OSBPL10: variants seen among roughly 807,000 people sequenced by gnomAD.
The protein encoded by OSBPL10 is oxysterol binding protein like 10.
A neutral mutation model predicts 81.7 loss-of-function variants in OSBPL10; 49 were observed. The ratio of observed to expected loss-of-function variants is 0.60; its 90% CI spans 0.48 to 0.76. The LOEUF (loss-of-function observed/expected upper bound fraction) is 0.76, where lower values mean the gene tolerates loss of function less well. Ranked by LOEUF, OSBPL10 falls within the 30% of genes least tolerant of loss-of-function variation. OSBPL10 has a pLI of 0.00. For synonymous variants in OSBPL10, 419 were observed against 383.6 expected, an observed-to-expected ratio of 1.09 and a Z score of -1.08; for missense variants, 923 against 987.8, an observed-to-expected ratio of 0.93 and a Z score of 0.88.
chr3:31,924,783 A>C (rs1211940615), intron 1 of OSBPL10, among the ~76,000 whole-genome samples: 1 of 152,136 alleles, frequency 6.6e-6, no homozygotes, highest in Non-Finnish European at 1.5e-5. Context: ...AGCTATACAC[A>C]ATACATAGAT....
chr3:31,696,169 G>T (rs1695715875), intron 7 of OSBPL10, among the ~76,000 whole-genome samples: 1 of 150,990 alleles, frequency 6.6e-6, no homozygotes, highest in Admixed American at 6.6e-5. Context: ...CCCCCCTGCT[G>T]CAATGGATGC....
chr3:31,839,471 C>G (rs534663762), intron 3 of OSBPL10, among the ~76,000 whole-genome samples: 2 of 152,146 alleles, frequency 1.3e-5, no homozygotes, highest in Non-Finnish European at 2.9e-5. Flanking sequence ...CACCCACCAC[C>G]CCCTAAAAAG....
chr3:31,947,672 C>G (rs1405645048), intron 1 of OSBPL10, among the ~76,000 whole-genome samples: 1 of 152,138 alleles, frequency 6.6e-6, no homozygotes, highest in Non-Finnish European at 1.5e-5. Flanking sequence ...AAGAACCTAA[C>G]AGATCACGGA....
rs1553628768 is a variant in OSBPL10, at chr3:31,812,717, A to AAGAAAGAAAG, written c.729+17322_729+17323insCTTTCTTTCT. ...TGGAATCTCTACACAGTAGGCAAAA[A>AAGAAAGAAAG]AAAAGAAAGAAAGAAAGAAAGAAAG... On this transcript the variant is annotated intron_variant, in intron 4 of 11. Coordinates refer to ENST00000396556, the MANE Select transcript of OSBPL10 (RefSeq NM_017784.5). Among the ~76,000 whole-genome samples the AAGAAAGAAAG allele has an allele frequency of 5.6e-5, 3 of 53,546 alleles. No individual in the cohort carries two copies. In the East Asian group the frequency reaches 5.5e-3, roughly 98 times the overall value. The allele number at this position is 53,546 out of a possible 152,430, so 35.1% of individuals were successfully genotyped here. A position where few individuals can be genotyped will look rare whatever the true frequency, so the allele number is the denominator to read the frequency against.
chr3:31,685,755 T>G (rs780507933), intron 7 of OSBPL10, among the ~76,000 whole-genome samples: 1 of 152,128 alleles, frequency 6.6e-6, no homozygotes, highest in African/African-American at 2.4e-5. Context: ...ACCACAAATA[T>G]CACACAGGCT....
chr3:31,909,553 G>A (rs1306480122), intron 1 of OSBPL10, among the ~76,000 whole-genome samples: 1 of 151,580 alleles, frequency 6.6e-6, no homozygotes, highest in Non-Finnish European at 1.5e-5. Context: ...TCACTAAATT[G>A]CCATCTCTCA....
At chr3:32,053,164 T>G (rs1451603500) in intron 1 of OSBPL10, among the ~76,000 whole-genome samples, 1 of 151,980 alleles carries the variant, frequency 6.6e-6, no homozygotes, top group Non-Finnish European at 1.5e-5. Context: ...TCACCAAAAG[T>G]AAAAGTTGCT....
chr3:31,898,891 CATTAAA>C (rs1369109720), intron 1 of OSBPL10, among the ~76,000 whole-genome samples: 5 of 142,936 alleles, frequency 3.5e-5, no homozygotes, highest in Non-Finnish European at 6.1e-5. Context: ...AGGAGGGTAT[CATTAAA>C]ATTAAAATAT....
chr3:31,984,301 A>G (rs774060717), upstream of OSBPL10, among the ~76,000 whole-genome samples: 5 of 151,524 alleles, frequency 3.3e-5, no homozygotes, highest in Non-Finnish European at 5.9e-5. Context: ...CGGCCTCCCA[A>G]AGTGCTGGGA....
intron 6 of OSBPL10, among the ~76,000 whole-genome samples, chr3:31,726,042 G>A (rs951705400): frequency 2.0e-4 from 31 of 152,238 alleles, no homozygotes; most frequent in Non-Finnish European, 3.2e-4. Context: ...GTACATCGGG[G>A]TATAGCAGAC....
intron 5 of OSBPL10, among the ~76,000 whole-genome samples, chr3:31,747,597 T>C (rs988215949): frequency 6.6e-6 from 1 of 152,026 alleles, no homozygotes; most frequent in African/African-American, 2.4e-5. Context: ...ATAGTATTTA[T>C]GTAAATATGT....
chr3:31,678,817 TG>T (rs1700559215), intron 8 of OSBPL10, among the ~76,000 whole-genome samples: 2 of 148,348 alleles, frequency 1.3e-5, no homozygotes, highest in Non-Finnish European at 3.0e-5. Context: ...TGTGTGTGTG[TG>T]TGTGTGTGTG....
chr3:31,825,338 T>C (rs1001161591), intron 4 of OSBPL10, among the ~76,000 whole-genome samples: 1 of 152,108 alleles, frequency 6.6e-6, no homozygotes, highest in Non-Finnish European at 1.5e-5. Context: ...AATTTTTTTT[T>C]TAAGAAAAAG....
At chr3:31,676,533 ATT>A (rs975303368) in intron 8 of OSBPL10, among the ~76,000 whole-genome samples, 2 of 152,254 alleles carry the variant, frequency 1.3e-5, no homozygotes, top group Non-Finnish European at 2.9e-5. Flanking sequence ...ACTTAAAATA[ATT>A]TTGTGTCCAA....
At position 31,981,048 on chromosome 3, in the gene OSBPL10, C is replaced by A; in HGVS notation, c.132G>T (p.Ser44=). Residue 44 remains serine, a synonymous_variant, in exon 1 of 12, where the codon TCG becomes TCT. Coordinates refer to ENST00000396556, the MANE Select transcript of OSBPL10 (RefSeq NM_017784.5). This position sits in a 1 kb window ranked among gnomAD's most constrained non-coding sequence, Gnocchi z 4.5. The part of the protein sequence containing the change: ...SLAGRGVSSR[S]AAAGLGGGGS... Reference sequence around the variant, plus strand: ...CCCCGCCGCCGAGCCCGGCCGCCGCCGACCGGCTGGAGACCCCCCGGCCCG... The same window carrying A: ...CCCCGCCGCCGAGCCCGGCCGCCGCAGACCGGCTGGAGACCCCCCGGCCCG... The A allele has an allele frequency of 6.8e-7, 1 of 1,480,868 alleles. No homozygotes were observed. The highest frequency in any genetic ancestry group is 1.3e-5 in the South Asian group (1 of 77,242). The allele number at this position is 1,480,868 out of a possible 1,614,324, so 91.7% of individuals were successfully genotyped here.
At chr3:31,866,832 G>C (rs1435287262) in intron 3 of OSBPL10, among the ~76,000 whole-genome samples, 3 of 151,938 alleles carry the variant, frequency 2.0e-5, no homozygotes, top group Admixed American at 6.6e-5. Flanking sequence ...TAAGGGGATG[G>C]GGAAAAAGAA....
chr3:31,898,662 C>T lies in OSBPL10; in HGVS notation c.282-18832G>A, dbSNP rs147580624. ...TATACAAAACAGATATACAGATATA[C>T]GGAAACATAATTTACCACTAAGGGA... On this transcript the variant is annotated intron_variant, in intron 1 of 11. Coordinates refer to ENST00000396556, the MANE Select transcript of OSBPL10 (RefSeq NM_017784.5). 3.0e-4 allele frequency among the ~76,000 whole-genome samples: 46 copies of T among 151,268 alleles called. No individual in the cohort carries two copies. In the East Asian group the frequency reaches 8.2e-3, roughly 27 times the overall value.
intron 4 of OSBPL10, among the ~76,000 whole-genome samples, chr3:31,789,625 T>A (rs1239515124): frequency 6.6e-6 from 1 of 152,046 alleles, no homozygotes; most frequent in Non-Finnish European, 1.5e-5. Context: ...TCAAGAAAGA[T>A]ACCGTGAGGG....
chr3:31,698,584 C>T (rs1695799934), intron 7 of OSBPL10, among the ~76,000 whole-genome samples: 1 of 152,208 alleles, frequency 6.6e-6, no homozygotes, highest in Admixed American at 6.5e-5. Context: ...GCCCTATAAC[C>T]TGCTGTCTCA....
Sources: allele counts gnomAD v4.1 joint callset (sites outside exome capture counted in the v4.1 genomes callset), GRCh38; gene constraint gnomAD v4.1.1; non-coding constraint Gnocchi (gnomAD v3.1); transcripts MANE v1.5; gene names NCBI Gene and HGNC (gene_info 2026-07-23, HGNC 2026-07-21).